The following ADCY9 variants were observed in gnomAD, a reference collection of about 807,000 sequenced individuals.
The protein encoded by ADCY9 is adenylate cyclase 9.
Under a neutral mutation model 101.5 loss-of-function variants are expected in ADCY9, and 50 were observed. The observed-to-expected ratio is 0.49, with a 90% CI of 0.39 to 0.62. The LOEUF is 0.62. ADCY9 is among the 20% of genes least tolerant of loss of function. ADCY9 has a pLI of 0.00. For missense variants in ADCY9, 1,662 were observed against 1,800.4 expected (o/e 0.92, Z 1.39); for synonymous variants, 905 against 769.3 (o/e 1.18, Z -2.92).
chr16:4,093,903 G>A (rs1011835144), intron 2 of ADCY9, among the ~76,000 whole-genome samples: 5 of 152,186 alleles, frequency 3.3e-5, no homozygotes, highest in Non-Finnish European at 7.3e-5. Context: ...GCCTTAGTGC[G>A]AACTGGAACT....
intron 2 of ADCY9, among the ~76,000 whole-genome samples, chr16:4,008,943 C>T (rs887372248): frequency 1.3e-5 from 2 of 152,164 alleles, no homozygotes; most frequent in Non-Finnish European, 2.9e-5. Flanking sequence ...GTCTACAACA[C>T]TGATCGACTC....
chr16:4,025,605 C>T (rs866576017), intron 2 of ADCY9, among the ~76,000 whole-genome samples: 10 of 152,270 alleles, frequency 6.6e-5, no homozygotes, highest in Middle Eastern at 3.4e-3. Context: ...AAGTCTGGCA[C>T]GAGGCCTGCC....
At chr16:4,110,970 G>C (rs144920045) in intron 2 of ADCY9, among the ~76,000 whole-genome samples, 2 of 152,010 alleles carry the variant, frequency 1.3e-5, no homozygotes, top group Non-Finnish European at 2.9e-5. Context: ...TCACGATCAC[G>C]GATCCTGCTC....
Position 4,115,290 on chromosome 16 carries a change from G to C in ADCY9, c.153C>G (p.Ser51=). ...SHPKHCKYSI[S]SSCSSSGDSG... ...AGTCCCCAGAGCTGCTGCAGCTAGA[G>C]GAGATGCTGTATTTGCAGTGCTTGG... Residue 51 remains serine (S), a synonymous_variant, in exon 2 of 11, where the codon TCC becomes TCG. Transcript: ENST00000294016. The surrounding 1 kb of genome is among the most constrained non-coding windows in gnomAD (Gnocchi z 6.2). The C allele has an allele frequency of 6.2e-7, 1 of 1,613,890 alleles. No homozygotes were observed. Among genetic ancestry groups the C allele is most frequent in the South Asian group, 1.1e-5 (1 of 91,066 alleles).
intron 2 of ADCY9, among the ~76,000 whole-genome samples, chr16:4,106,087 A>G (rs1221749210): frequency 6.6e-6 from 1 of 152,156 alleles, no homozygotes; most frequent in East Asian, 1.9e-4. Flanking sequence ...GAGCCTTCCC[A>G]CTTAACTCCG....
chr16:4,086,489 G>C (rs1353503509), intron 2 of ADCY9, among the ~76,000 whole-genome samples: 3 of 152,040 alleles, frequency 2.0e-5, no homozygotes, highest in African/African-American at 4.8e-5. Context: ...GATCATGGAC[G>C]TGAGGAGACG....
At chr16:4,091,026 G>A (rs2056970257) in intron 2 of ADCY9, among the ~76,000 whole-genome samples, 1 of 151,692 alleles carries the variant, frequency 6.6e-6, no homozygotes, top group African/African-American at 2.4e-5. Context: ...ACTGCCACAG[G>A]TAACTTTTTA....
intron 6 of ADCY9, among the ~76,000 whole-genome samples, chr16:3,988,651 G>C (rs1354107589): frequency 2.3e-5 from 3 of 131,204 alleles, no homozygotes; most frequent in Admixed American, 7.5e-5. Flanking sequence ...AAGGCAGGTG[G>C]GGGGGTTTCC....
intron 2 of ADCY9, among the ~76,000 whole-genome samples, chr16:4,052,176 C>T (rs949316718): frequency 6.6e-6 from 1 of 152,168 alleles, no homozygotes; most frequent in Non-Finnish European, 1.5e-5. Context: ...AGTAACTGGC[C>T]TGTTCTCTTA....
At chr16:3,955,190 A>G (rs969778977) in intron 5 of ADCY9, among the ~76,000 whole-genome samples, 1 of 152,172 alleles carries the variant, frequency 6.6e-6, no homozygotes, top group African/African-American at 2.4e-5. Context: ...TTTATCCAAA[A>G]TTACGTCAAA....
chr16:4,003,524 T>G (rs1370650662), intron 3 of ADCY9, among the ~76,000 whole-genome samples: 1 of 151,532 alleles, frequency 6.6e-6, no homozygotes, highest in East Asian at 1.9e-4. Context: ...AGGAAAACTC[T>G]CACTTAGAGG....
intron 2 of ADCY9, among the ~76,000 whole-genome samples, chr16:4,020,927 C>T (rs185209782): frequency 6.6e-6 from 1 of 151,670 alleles, no homozygotes; most frequent in Non-Finnish European, 1.5e-5. Flanking sequence ...AACATTTGAA[C>T]GTTTTCAAAA....
intron 2 of ADCY9, among the ~76,000 whole-genome samples, chr16:4,030,564 A>T (rs1291271504): frequency 6.6e-6 from 1 of 152,022 alleles, no homozygotes; most frequent in African/African-American, 2.4e-5. Flanking sequence ...TCAGCCAGGC[A>T]TGGTGGTGGG....
At chr16:4,101,956 C>T (rs1597227693) in intron 2 of ADCY9, among the ~76,000 whole-genome samples, 2 of 152,120 alleles carry the variant, frequency 1.3e-5, no homozygotes, top group South Asian at 2.1e-4. Context: ...TTAACCAGGG[C>T]GAGCTATCAG....
At chr16:4,107,550 C>CAAAAAAAAA (rs61565312) in intron 2 of ADCY9, among the ~76,000 whole-genome samples, 6 of 72,844 alleles carry the variant, frequency 8.2e-5, no homozygotes, top group Non-Finnish European at 1.2e-4. Flanking sequence ...GACTCTGTCT[C>CAAAAAAAAA]AAAAAAAAAA....
intron 2 of ADCY9, among the ~76,000 whole-genome samples, chr16:4,026,364 C>T (rs1188417927): frequency 7.1e-6 from 1 of 140,058 alleles, no homozygotes; most frequent in Admixed American, 8.2e-5. Flanking sequence ...GCGGACATTG[C>T]AGTGAGCTGA....
intron 2 of ADCY9, among the ~76,000 whole-genome samples, chr16:4,072,684 A>C (rs2056842162): frequency 6.6e-6 from 1 of 152,220 alleles, no homozygotes; most frequent in Non-Finnish European, 1.5e-5. Context: ...ATGGCCAATA[A>C]TTTTTTAAAC....
intron 2 of ADCY9, among the ~76,000 whole-genome samples, chr16:4,100,447 A>G (rs57453534): frequency 0.15 from 22,309 of 151,994 alleles, 1,869 homozygotes; most frequent in African/African-American, 0.23. Context: ...CTCCTGCCTC[A>G]GCCTCCCAAG....
In ADCY9 at chr16:4,056,468, G is replaced by A. The variant is rs1227252438; in HGVS notation, c.1694-48910C>T. The stretch of plus-strand genomic sequence containing the variant: ...GGTGTTTCACCATGTTGGCCAGGCT[G>A]GTCTGAAAATGCTGACCTCAAGTGA... On this transcript the variant is annotated intron_variant, in intron 2 of 10. Transcript: ENST00000294016. Among the ~76,000 whole-genome samples, 6 of 152,144 alleles carry A rather than the reference G, an allele frequency of 3.9e-5. No homozygotes were observed. The East Asian group carries it at 1.2e-3, about 29-fold the overall frequency.
Sources: gnomAD v4.1 joint callset for allele counts (sites outside exome capture counted in the v4.1 genomes callset) on GRCh38, gnomAD v4.1.1 for gene constraint, Gnocchi (gnomAD v3.1) non-coding constraint, MANE v1.5 for transcripts, NCBI Gene and HGNC (gene_info 2026-07-23, HGNC 2026-07-21) for gene names.